ERI3: variants seen among roughly 807,000 people sequenced by gnomAD.
ERI3 encodes ERI1 exoribonuclease 3.
In ERI3, 18 loss-of-function variants were observed where a neutral mutation model predicts 44.4. That is an observed-to-expected ratio of 0.41 (90% CI 0.28 to 0.60). The LOEUF (loss-of-function observed/expected upper bound fraction) is 0.60, where lower values mean the gene tolerates loss of function less well. Ranked by LOEUF, ERI3 falls within the 20% of genes least tolerant of loss-of-function variation. ERI3 has a pLI of 0.36. For missense variants in ERI3, 294 were observed against 435.5 expected (o/e 0.68, Z 2.89); for synonymous variants, 183 against 164.8 (o/e 1.11, Z -0.84).
At chr1:44,293,009 C>T (rs1011473224) in intron 6 of ERI3, among the ~76,000 whole-genome samples, 15 of 152,358 alleles carry the variant, frequency 9.8e-5, no homozygotes, top group Middle Eastern at 3.4e-3. Context: ...CGACAGCGAG[C>T]GCCTCTGTCG....
intron 8 of ERI3, among the ~76,000 whole-genome samples, chr1:44,240,499 A>G (rs928608299): frequency 1.3e-5 from 2 of 152,080 alleles, no homozygotes; most frequent in Non-Finnish European, 2.9e-5. Flanking sequence ...AAGAACTCCA[A>G]CCCTAGACTA....
At chr1:44,344,678 T>C (rs1281254691) in intron 2 of ERI3, among the ~76,000 whole-genome samples, 1 of 152,220 alleles carries the variant, frequency 6.6e-6, no homozygotes, top group Non-Finnish European at 1.5e-5. Flanking sequence ...GGACTTTGAG[T>C]ATCTAAATGA....
At chr1:44,260,788 C>T (rs1371150809) in intron 7 of ERI3, among the ~76,000 whole-genome samples, 6 of 140,174 alleles carry the variant, frequency 4.3e-5, no homozygotes, top group Non-Finnish European at 1.5e-5. Context: ...CACATGTTTG[C>T]TTATACTATA....
At chr1:44,227,961 G>A (rs993388613) in intron 8 of ERI3, among the ~76,000 whole-genome samples, 4 of 152,040 alleles carry the variant, frequency 2.6e-5, no homozygotes, top group Non-Finnish European at 4.4e-5. Flanking sequence ...ACAGTAGCTC[G>A]GTTAGTTATT....
At chr1:44,339,456 G>A (rs1283894517) in intron 2 of ERI3, 134 bp from the exon 3 acceptor site, 12 of 916,704 alleles carry the variant, frequency 1.3e-5, no homozygotes, top group Non-Finnish European at 1.8e-5. Flanking sequence ...CACGCAACAT[G>A]GGCCACTCCC....
chr1:44,291,912 C>T (rs958058435), intron 6 of ERI3, among the ~76,000 whole-genome samples: 1 of 151,246 alleles, frequency 6.6e-6, no homozygotes, highest in African/African-American at 2.4e-5. Context: ...GTGGGGCATG[C>T]GGTTCAACCC....
chr1:44,244,482 G>C (rs1212465668), intron 8 of ERI3, among the ~76,000 whole-genome samples: 2 of 152,172 alleles, frequency 1.3e-5, no homozygotes, highest in Non-Finnish European at 2.9e-5. Flanking sequence ...AGAGCACTGT[G>C]TCTGCCATTG....
chr1:44,258,689 A>G (rs1469381962), intron 7 of ERI3, among the ~76,000 whole-genome samples: 1 of 152,192 alleles, frequency 6.6e-6, no homozygotes, highest in Non-Finnish European at 1.5e-5. Flanking sequence ...AGTGGGCCAT[A>G]GGTGGGGCAC....
chr1:44,326,292 G>A (rs1213114616), intron 3 of ERI3, among the ~76,000 whole-genome samples: 1 of 152,088 alleles, frequency 6.6e-6, no homozygotes, highest in Non-Finnish European at 1.5e-5. Context: ...ATGCAAAGAC[G>A]GGCCCTTTCT....
intron 2 of ERI3, among the ~76,000 whole-genome samples, chr1:44,351,851 G>A (rs960714782): frequency 2.0e-5 from 3 of 151,308 alleles, no homozygotes; most frequent in East Asian, 3.9e-4. Flanking sequence ...TTAATTTCCC[G>A]TGTTCTTTGA....
At position 44,239,975 on chromosome 1, in the gene ERI3, C is replaced by T. The variant is rs553884402; in HGVS notation, c.931+7964G>A. Among the ~76,000 whole-genome samples, 7 of 152,384 alleles carry T rather than the reference C, an allele frequency of 4.6e-5. No homozygotes were observed. In the South Asian group the frequency reaches 1.2e-3, roughly 27 times the overall value. On this transcript the variant is annotated intron_variant, in intron 8 of 8. Transcript: ENST00000372257. ...GCCATGTTCTCCTCATTAGGACAAG[C>T]TCCCCTTGCACACGTGTCCCTGGAC...
At chr1:44,234,550 T>C (rs1644261242) in intron 8 of ERI3, among the ~76,000 whole-genome samples, 1 of 151,764 alleles carries the variant, frequency 6.6e-6, no homozygotes, top group Non-Finnish European at 1.5e-5. Context: ...TCCCAGCTAC[T>C]CGGGAGGCTG....
chr1:44,300,854 G>A (rs557680379), intron 6 of ERI3, among the ~76,000 whole-genome samples: 109 of 152,258 alleles, frequency 7.2e-4, no homozygotes, highest in Non-Finnish European at 1.1e-3. Flanking sequence ...TCAGGCTAAC[G>A]AGGCTACCCC....
At chr1:44,294,738 G>C (rs1645575594) in intron 6 of ERI3, among the ~76,000 whole-genome samples, 1 of 152,266 alleles carries the variant, frequency 6.6e-6, no homozygotes, top group Admixed American at 6.5e-5. Context: ...ACTGTGGTCA[G>C]TGCCTCAGCT....
At chr1:44,254,137 T>A (rs1386422848) in intron 7 of ERI3, among the ~76,000 whole-genome samples, 2 of 152,162 alleles carry the variant, frequency 1.3e-5, no homozygotes, top group Non-Finnish European at 2.9e-5. Flanking sequence ...CAAATCATCA[T>A]CACTCTGGGT....
At chr1:44,322,938 A>C in intron 3 of ERI3, 1 of 1,435,288 alleles carries the variant, frequency 7.0e-7, no homozygotes, top group Non-Finnish European at 9.2e-7. Context: ...CATTAATCCC[A>C]ACACAAAGAT....
intron 6 of ERI3, among the ~76,000 whole-genome samples, chr1:44,302,772 G>A (rs896147314): frequency 5.9e-5 from 9 of 152,168 alleles, no homozygotes; most frequent in East Asian, 1.9e-4. Context: ...CATTCCCACC[G>A]TGTATCACCA....
chr1:44,342,867 T>TTA (rs1646711139), intron 2 of ERI3, among the ~76,000 whole-genome samples: 2 of 36,446 alleles, frequency 5.5e-5, no homozygotes, highest in African/African-American at 1.8e-4. Flanking sequence ...ATTTTTTTTT[T>TTA]TTTTTTTTTT....
intron 4 of ERI3, among the ~76,000 whole-genome samples, chr1:44,317,875 G>C (rs962997664): frequency 1.3e-5 from 2 of 152,044 alleles, no homozygotes; most frequent in Non-Finnish European, 2.9e-5. Context: ...AGAGATATGA[G>C]GCTGGCCAAA....
Sources: allele counts gnomAD v4.1 joint callset (sites outside exome capture counted in the v4.1 genomes callset), GRCh38; gene constraint gnomAD v4.1.1; transcripts MANE v1.5; gene names NCBI Gene and HGNC (gene_info 2026-07-23, HGNC 2026-07-21).